The following TIAM2 variants were observed in gnomAD, a reference collection of about 807,000 sequenced individuals.
The protein encoded by TIAM2 is TIAM Rac1 associated GEF 2.
A neutral mutation model predicts 152.9 loss-of-function variants in TIAM2; 80 were observed. The observed-to-expected ratio is 0.52, with a 90% confidence interval of 0.44 to 0.63. The LOEUF (loss-of-function observed/expected upper bound fraction) is 0.63. Among genes scored for constraint, TIAM2 ranks in the 30% least tolerant of loss-of-function variants. The pLI is 0.00. For missense variants in TIAM2, 1,965 were observed against 2,120.1 expected, an observed-to-expected ratio of 0.93 and a Z score of 1.44; for synonymous variants, 804 against 838.0, an observed-to-expected ratio of 0.96 and a Z score of 0.70.
chr6:155,096,048 A>G (rs551831273), intron 2 of TIAM2, among the ~76,000 whole-genome samples: 2 of 152,200 alleles, frequency 1.3e-5, no homozygotes, highest in Non-Finnish European at 2.9e-5. Flanking sequence ...TACAGATGTT[A>G]TCATTTACAT....
chr6:155,175,873 AT>A (rs1254616807), intron 9 of TIAM2, among the ~76,000 whole-genome samples: 16 of 152,208 alleles, frequency 1.1e-4, no homozygotes, highest in African/African-American at 3.9e-4. Flanking sequence ...CTTTGAGATG[AT>A]TTTCCAACAG....
rs1411982099 is a variant in TIAM2, at chr6:155,214,143, C to T, written c.3168+2836C>T. On this transcript the variant is annotated intron_variant, in intron 15 of 26. Transcript: ENST00000682666. The surrounding 1 kb of genome is among the most constrained non-coding windows in gnomAD (Gnocchi z 5.4). ...AGCTGTGCCCGAGGAGCACGAGGCT[C>T]CCGCCCTGCCACTTCAGGATTGGGT... 6.6e-6 allele frequency among the ~76,000 whole-genome samples: 1 copy of T among 152,246 alleles called. No individual in the cohort carries two copies. Among genetic ancestry groups the T allele is most frequent in the African/African-American group, 2.4e-5 (1 of 41,468 alleles).
chr6:155,229,186 G>A (rs138046870), intron 15 of TIAM2, among the ~76,000 whole-genome samples: 279 of 152,250 alleles, frequency 1.8e-3, no homozygotes, highest in African/African-American at 6.5e-3. Context: ...TTGTCACTGT[G>A]CCTGTTGCCT....
intron 15 of TIAM2, among the ~76,000 whole-genome samples, chr6:155,228,741 C>T (rs1782332551): frequency 6.6e-6 from 1 of 152,042 alleles, no homozygotes; most frequent in Non-Finnish European, 1.5e-5. Context: ...CGACCAAACT[C>T]CTGTTAAATA....
chr6:155,237,469 G>A (rs1262496634), intron 15 of TIAM2, among the ~76,000 whole-genome samples: 1 of 152,250 alleles, frequency 6.6e-6, no homozygotes, highest in Non-Finnish European at 1.5e-5. Context: ...CCACTAGGCG[G>A]TGCCCCAGTA....
At chr6:155,127,883 C>T (rs1222192575) in intron 3 of TIAM2, among the ~76,000 whole-genome samples, 2 of 152,160 alleles carry the variant, frequency 1.3e-5, no homozygotes, top group East Asian at 1.9e-4. Context: ...GAGTGAGAAA[C>T]TAGCTGGGCA....
chr6:155,183,687 G>A (rs1201631341), intron 14 of TIAM2, among the ~76,000 whole-genome samples, 187 bp downstream of exon 14: 7 of 151,986 alleles, frequency 4.6e-5, no homozygotes, highest in Admixed American at 2.6e-4. Flanking sequence ...TAATTATAGC[G>A]CTTTCATTAA....
At chr6:155,007,172 G>C (rs959366707) in intron 1 of TIAM2, among the ~76,000 whole-genome samples, 1 of 152,148 alleles carries the variant, frequency 6.6e-6, no homozygotes, top group Non-Finnish European at 1.5e-5. Context: ...GGGTGTGGGG[G>C]AGTGGAGTCA....
intron 1 of TIAM2, among the ~76,000 whole-genome samples, chr6:155,025,975 T>C (rs1776594953): frequency 6.6e-6 from 1 of 151,920 alleles, no homozygotes; most frequent in Admixed American, 6.6e-5. Flanking sequence ...TCTCAGAACA[T>C]GGAACACCCG....
At chr6:155,045,840 C>CTTTTTTTTTTTTTTTTTTTTT (rs11354850) in intron 1 of TIAM2, among the ~76,000 whole-genome samples, 9 of 60,496 alleles carry the variant, frequency 1.5e-4, no homozygotes, top group South Asian at 7.8e-4. Context: ...ATAGTGCCCT[C>CTTTTTTTTTTTTTTTTTTTTT]TTTTTTTTTT....
At chr6:155,172,669 T>TATAGATATATAG (rs1780634094) in intron 9 of TIAM2, among the ~76,000 whole-genome samples, 8 of 9,628 alleles carry the variant, frequency 8.3e-4, no homozygotes, top group African/African-American at 3.4e-3. Context: ...TATATATATA[T>TATAGATATATAG]ATATATATAT....
At chr6:155,178,507 T>A (rs1373670238) in intron 10 of TIAM2, among the ~76,000 whole-genome samples, 1 of 152,186 alleles carries the variant, frequency 6.6e-6, no homozygotes, top group Non-Finnish European at 1.5e-5. Flanking sequence ...TCATAAGCAA[T>A]ATTGTTCAGC....
In TIAM2 at chr6:155,257,653, T is replaced by TTGTAC; in HGVS notation, c.*537_*541dup. On this transcript the variant is annotated 3_prime_UTR_variant, in exon 27 of 27. Transcript: ENST00000682666. Reference sequence around the variant, plus strand: ...TATACAGTATATATTAAAAGAAAGCTTGTACTGTATCTTATTTGATGATAT... The same window carrying TTGTAC: ...TATACAGTATATATTAAAAGAAAGCTTGTACTGTACTGTATCTTATTTGATGATAT... 1.5e-6 allele frequency: 1 copy of TTGTAC among 645,702 alleles called. No homozygotes were observed. Among genetic ancestry groups the TTGTAC allele is most frequent in the South Asian group, 1.9e-5 (1 of 51,454 alleles). 40.0% of individuals were successfully genotyped at this position (645,702 alleles called of 1,614,324 possible). A position where few individuals can be genotyped will look rare whatever the true frequency, so the allele number is the denominator to read the frequency against.
At chr6:155,198,501 A>G (rs1430884565) in intron 14 of TIAM2, among the ~76,000 whole-genome samples, 1 of 152,014 alleles carries the variant, frequency 6.6e-6, no homozygotes, top group Non-Finnish European at 1.5e-5. Context: ...CATCTTTACT[A>G]AAAATACAAA....
Position 155,184,236 on chromosome 6 carries a change from G to A in TIAM2, c.3064+736G>A, listed in dbSNP as rs182542066. On this transcript the variant is annotated intron_variant, in intron 14 of 26. Coordinates refer to ENST00000682666, the MANE Select transcript of TIAM2 (RefSeq NM_012454.4). ...ACTCCTGACCTCAGGTGATCTACCC[G>A]CCTCGGTCTCCCAGAGTGCTGGGAT... Among the ~76,000 whole-genome samples the A allele has an allele frequency of 3.9e-3, 594 of 152,194 alleles. 3 individuals are homozygous for A. The highest frequency in any genetic ancestry group is 6.8e-3 in the Non-Finnish European group (463 of 67,990).
intron 1 of TIAM2, among the ~76,000 whole-genome samples, chr6:155,030,926 C>T (rs560253191): frequency 2.4e-4 from 36 of 152,232 alleles, no homozygotes; most frequent in Non-Finnish European, 4.6e-4. Context: ...GTAAGGATTC[C>T]TCTGGCATAG....
intron 15 of TIAM2, among the ~76,000 whole-genome samples, chr6:155,237,964 G>A (rs1349183748): frequency 6.6e-6 from 1 of 152,238 alleles, no homozygotes; most frequent in African/African-American, 2.4e-5. Context: ...TCTGCAGCCA[G>A]CTTAGATTTC....
chr6:155,154,129 TAA>T (rs915349031), intron 7 of TIAM2, among the ~76,000 whole-genome samples: 9 of 152,228 alleles, frequency 5.9e-5, no homozygotes, highest in African/African-American at 2.2e-4. Context: ...AACTTCCTTT[TAA>T]AAATATCTGT....
At chr6:155,171,147 C>T (rs969347048) in intron 9 of TIAM2, among the ~76,000 whole-genome samples, 9 of 152,284 alleles carry the variant, frequency 5.9e-5, no homozygotes, top group East Asian at 1.9e-4. Context: ...AGGGAGGGGC[C>T]GTGTGCATTT....
Sources: allele counts gnomAD v4.1 joint callset (sites outside exome capture counted in the v4.1 genomes callset), GRCh38; gene constraint gnomAD v4.1.1; non-coding constraint Gnocchi (gnomAD v3.1); transcripts MANE v1.5; gene names NCBI Gene and HGNC (gene_info 2026-07-23, HGNC 2026-07-21).